Variants in GPATCH2L observed in about 807,000 individuals in gnomAD.
GPATCH2L encodes the protein G patch domain-containing protein 2-like.
In GPATCH2L, 31 loss-of-function variants were observed where a neutral mutation model predicts 57.4. The ratio of observed to expected loss-of-function variants is 0.54; its 90% CI spans 0.41 to 0.73. The LOEUF is 0.73. Ranked by LOEUF, GPATCH2L falls within the 30% of genes least tolerant of loss-of-function variation. GPATCH2L has a pLI of 0.00. For synonymous variants in GPATCH2L, 199 were observed against 210.7 expected, an observed-to-expected ratio of 0.94 and a Z score of 0.48; for missense variants, 481 against 599.9, an observed-to-expected ratio of 0.80 and a Z score of 2.07.
At chr14:76,231,908 A>G (rs1391979743) in intron 2 of GPATCH2L, among the ~76,000 whole-genome samples, 2 of 6,656 alleles carry the variant, frequency 3.0e-4, no homozygotes, top group Non-Finnish European at 1.6e-3. Flanking sequence ...AAATATATAT[A>G]TATAAAACAG....
In GPATCH2L at chr14:76,207,357, A is replaced by G. The variant is rs1481812293; in HGVS notation, c.*5506A>G. The G allele has an allele frequency of 1.3e-5, 2 of 152,202 alleles. No individual in the cohort carries two copies. Among genetic ancestry groups the G allele is most frequent in the African/African-American group, 2.4e-5 (1 of 41,456 alleles). 9.4% of individuals were successfully genotyped at this position (152,202 alleles called of 1,614,324 possible). On this transcript the variant is annotated 3_prime_UTR_variant, in exon 10 of 10. Transcript: ENST00000261530. ...AATAAAAATTGATAAAAATAGATCAATGAATTGTTAGTCTACGAATGATAG... is the reference window on the plus strand; with the variant it reads ...AATAAAAATTGATAAAAATAGATCAGTGAATTGTTAGTCTACGAATGATAG...
intron 2 of GPATCH2L, among the ~76,000 whole-genome samples, chr14:76,162,190 A>G (rs1313813326): frequency 6.6e-6 from 1 of 152,178 alleles, no homozygotes; most frequent in Non-Finnish European, 1.5e-5. Context: ...TCAAGGCTCG[A>G]CTAGGGCTGA....
chr14:76,177,919 A>G (rs1257109327), intron 6 of GPATCH2L, 69 bp from the exon 7 acceptor site: 9 of 1,601,402 alleles, frequency 5.6e-6, no homozygotes, highest in Non-Finnish European at 7.7e-6. Context: ...CTGGGAAAAG[A>G]GAACGAAATC....
intron 2 of GPATCH2L, among the ~76,000 whole-genome samples, chr14:76,160,392 T>C (rs966797041): frequency 1.3e-5 from 2 of 152,194 alleles, no homozygotes; most frequent in African/African-American, 4.8e-5. Flanking sequence ...TGAGGAAATC[T>C]TGGCAATAGG....
At chr14:76,224,756 A>G (rs560722662) in intron 1 of GPATCH2L, among the ~76,000 whole-genome samples, 105 of 152,324 alleles carry the variant, frequency 6.9e-4, no homozygotes, top group African/African-American at 2.4e-3. Context: ...AAAAGAATCT[A>G]TGGTCAATTA....
intron 7 of GPATCH2L, among the ~76,000 whole-genome samples, chr14:76,180,211 C>A (rs1370322642): frequency 6.6e-6 from 1 of 151,802 alleles, no homozygotes; most frequent in Non-Finnish European, 1.5e-5. Flanking sequence ...GTGATATATT[C>A]ATTTAACAGA....
chr14:76,163,944 C>T (rs2038713962), intron 2 of GPATCH2L, among the ~76,000 whole-genome samples: 2 of 152,188 alleles, frequency 1.3e-5, no homozygotes, highest in Admixed American at 6.5e-5. Flanking sequence ...CCAGATCATT[C>T]TCTTCCATGG....
At chr14:76,217,723 A>G (rs1170546332), downstream of GPATCH2L, among the ~76,000 whole-genome samples, 2 of 152,224 alleles carry the variant, frequency 1.3e-5, no homozygotes, top group African/African-American at 4.8e-5. Context: ...ATAAAAATAG[A>G]GAATCTCCTG....
chr14:76,176,423 T>C (rs917440064), intron 5 of GPATCH2L, 200 bp from the exon 6 acceptor site: 25 of 559,426 alleles, frequency 4.5e-5, no homozygotes, highest in Non-Finnish European at 7.3e-5. Flanking sequence ...TGGAGAATAA[T>C]AAATGTAGGG....
intron 1 of GPATCH2L, among the ~76,000 whole-genome samples, chr14:76,226,167 A>G (rs567688887): frequency 6.6e-6 from 1 of 152,326 alleles, no homozygotes; most frequent in African/African-American, 2.4e-5. Flanking sequence ...TATGTACATA[A>G]CAGTACTACA....
At chr14:76,170,397 C>T (rs1333184185) in intron 3 of GPATCH2L, among the ~76,000 whole-genome samples, 1 of 152,082 alleles carries the variant, frequency 6.6e-6, no homozygotes, top group African/African-American at 2.4e-5. Flanking sequence ...TCTTTGTTGG[C>T]AGGAATAAAC....
intron 9 of GPATCH2L, among the ~76,000 whole-genome samples, chr14:76,199,075 G>A (rs2040239513): frequency 6.6e-6 from 1 of 152,036 alleles, no homozygotes; most frequent in Non-Finnish European, 1.5e-5. Context: ...TATTGAAGGG[G>A]TATAAAAGAA....
At chr14:76,200,888 C>G (rs991022603) in intron 9 of GPATCH2L, among the ~76,000 whole-genome samples, 1 of 152,110 alleles carries the variant, frequency 6.6e-6, no homozygotes, top group Non-Finnish European at 1.5e-5. Context: ...TTGTTCTCAG[C>G]AGAGTGGGTA....
intron 3 of GPATCH2L, among the ~76,000 whole-genome samples, chr14:76,171,313 G>T (rs1033251364): frequency 6.6e-6 from 1 of 150,758 alleles, no homozygotes; most frequent in African/African-American, 2.4e-5. Context: ...GGTGGCTCAC[G>T]CCTGTAATCC....
chr14:76,152,876 G>A, intron 1 of GPATCH2L: 1 of 406,180 alleles, frequency 2.5e-6, no homozygotes, highest in Non-Finnish European at 4.9e-6. Context: ...GTTCCCACTT[G>A]TTTCTTTATT....
chr14:76,167,151 A>G (rs574023124), intron 3 of GPATCH2L, among the ~76,000 whole-genome samples: 2 of 152,320 alleles, frequency 1.3e-5, no homozygotes, highest in South Asian at 4.1e-4. Flanking sequence ...TTATTTATAA[A>G]TGATTATAGT....
At chr14:76,158,793 G>A (rs1235643973) in intron 2 of GPATCH2L, among the ~76,000 whole-genome samples, 1 of 152,204 alleles carries the variant, frequency 6.6e-6, no homozygotes, top group Non-Finnish European at 1.5e-5. Flanking sequence ...GTGTGCTTAT[G>A]TGGGTATATT....
intron 9 of GPATCH2L, among the ~76,000 whole-genome samples, chr14:76,198,094 T>A (rs2040210559): frequency 7.2e-5 from 1 of 13,884 alleles, no homozygotes; most frequent in South Asian, 7.6e-3. Flanking sequence ...AAAAAGACTG[T>A]AAATGACCAT....
intron 2 of GPATCH2L, 81 bp from the exon 3 acceptor site, chr14:76,166,582 G>A (rs1268507819): frequency 3.5e-6 from 3 of 865,082 alleles, no homozygotes; most frequent in African/African-American, 3.3e-5. Context: ...AATTAGGGAA[G>A]CTTGAAAACC....
Sources: allele counts gnomAD v4.1 joint callset (sites outside exome capture counted in the v4.1 genomes callset), GRCh38; gene constraint gnomAD v4.1.1; transcripts MANE v1.5; gene names NCBI Gene and HGNC (gene_info 2026-07-23, HGNC 2026-07-21).